The following SLC49A4 variants were observed in gnomAD, a reference collection of about 807,000 sequenced individuals.
The protein encoded by SLC49A4 is solute carrier family 49 member 4.
Under a neutral mutation model 50.6 loss-of-function variants are expected in SLC49A4, and 36 were observed. That is an observed-to-expected ratio of 0.71 (90% CI 0.55 to 0.94). The LOEUF is 0.94. Ranked by LOEUF, SLC49A4 falls within the 40% of genes least tolerant of loss-of-function variation. SLC49A4 has a pLI of 0.00. For missense variants in SLC49A4, 503 were observed against 605.7 expected (o/e 0.83, Z 1.78); for synonymous variants, 248 against 241.2 (o/e 1.03, Z -0.26).
intron 4 of SLC49A4, among the ~76,000 whole-genome samples, chr3:122,842,907 C>T (rs1387296629): frequency 1.3e-5 from 2 of 152,204 alleles, no homozygotes; most frequent in African/African-American, 4.8e-5. Flanking sequence ...GCCCCATTCC[C>T]TTCCTACCAG....
At chr3:122,855,700 T>A (rs893184390) in intron 5 of SLC49A4, among the ~76,000 whole-genome samples, 1 of 152,212 alleles carries the variant, frequency 6.6e-6, no homozygotes, top group Non-Finnish European at 1.5e-5. Context: ...ATTGAGCACT[T>A]CCTATGTCTT....
intron 2 of SLC49A4, among the ~76,000 whole-genome samples, chr3:122,816,918 G>C (rs1447849524): frequency 6.6e-6 from 1 of 152,158 alleles, no homozygotes; most frequent in Non-Finnish European, 1.5e-5. Flanking sequence ...CTATCTGTGA[G>C]GAGCGCTTTT....
At chr3:122,862,589 A>G (rs971040146) in intron 7 of SLC49A4, among the ~76,000 whole-genome samples, 9 of 152,234 alleles carry the variant, frequency 5.9e-5, no homozygotes, top group Admixed American at 5.2e-4. Context: ...CTGGTGGAAC[A>G]GTCTTAGTTT....
At chr3:122,851,376 CTAAA>C (rs1553763988) in intron 5 of SLC49A4, among the ~76,000 whole-genome samples, 1 of 151,960 alleles carries the variant, frequency 6.6e-6, no homozygotes, top group Non-Finnish European at 1.5e-5. Context: ...TTGTTTTGGT[CTAAA>C]AATGTCTTCA....
At chr3:122,827,498 C>G (rs1576298102) in intron 3 of SLC49A4, among the ~76,000 whole-genome samples, 1 of 152,260 alleles carries the variant, frequency 6.6e-6, no homozygotes, top group East Asian at 1.9e-4. Context: ...ACCTTATTTA[C>G]CTTGATCATC....
At chr3:122,805,658 C>T (rs553287039) in intron 1 of SLC49A4, among the ~76,000 whole-genome samples, 2 of 152,340 alleles carry the variant, frequency 1.3e-5, no homozygotes, top group African/African-American at 4.8e-5. Context: ...TGTGATGTGG[C>T]TGCCACAAAC....
chr3:122,826,974 T>A lies in SLC49A4; in HGVS notation c.612T>A (p.Val204=). Residue 204 remains valine (V), a synonymous_variant, in exon 3 of 9, where the codon GTT becomes GTA. Coordinates refer to ENST00000261038, the MANE Select transcript of SLC49A4 (RefSeq NM_032839.3). ...GTGCATTTTTAGTTGGACCACTTGT[T>A]GTTCCAGCTCCCAATGGGACATCAC... ...GACAFLVGPL[V]VPAPNGTSPL... 1 of 1,614,236 alleles carries A rather than the reference T, an allele frequency of 6.2e-7. No individual in the cohort carries two copies. Among genetic ancestry groups the A allele is most frequent in the Non-Finnish European group, 8.5e-7 (1 of 1,180,038 alleles).
chr3:122,806,087 T>C (rs898383903), intron 1 of SLC49A4, among the ~76,000 whole-genome samples: 3 of 152,228 alleles, frequency 2.0e-5, no homozygotes, highest in Admixed American at 6.5e-5. Context: ...AGTTCCCTAG[T>C]TGTCAGTTTT....
intron 2 of SLC49A4, among the ~76,000 whole-genome samples, chr3:122,821,417 A>G (rs981446988): frequency 9.9e-5 from 15 of 152,164 alleles, no homozygotes; most frequent in African/African-American, 3.6e-4. Flanking sequence ...TGGGAGGTGG[A>G]TGGAGAAACA....
intron 4 of SLC49A4, among the ~76,000 whole-genome samples, chr3:122,839,667 G>A (rs1451086167): frequency 1.3e-5 from 2 of 152,078 alleles, no homozygotes; most frequent in African/African-American, 4.8e-5. Context: ...TCAGGGAAAT[G>A]CACATTAAAA....
chr3:122,817,559 T>A (rs375390620), intron 2 of SLC49A4, among the ~76,000 whole-genome samples: 26 of 147,810 alleles, frequency 1.8e-4, no homozygotes, highest in East Asian at 9.7e-4. Flanking sequence ...AGAGAGAGAG[T>A]GTGTGTGTGT....
chr3:122,820,933 A>G (rs1936439974), intron 2 of SLC49A4, among the ~76,000 whole-genome samples: 1 of 152,190 alleles, frequency 6.6e-6, no homozygotes, highest in African/African-American at 2.4e-5. Flanking sequence ...CCCAAATCTC[A>G]TCTTGAACTG....
chr3:122,827,998 G>A (rs1936557512), intron 3 of SLC49A4, among the ~76,000 whole-genome samples: 1 of 152,208 alleles, frequency 6.6e-6, no homozygotes, highest in Non-Finnish European at 1.5e-5. Flanking sequence ...AGTATGTCTA[G>A]GGAACTGCAA....
chr3:122,799,591 G>A (rs1387946051), intron 1 of SLC49A4, among the ~76,000 whole-genome samples: 2 of 152,198 alleles, frequency 1.3e-5, no homozygotes, highest in African/African-American at 2.4e-5. Context: ...ATTATCCAGT[G>A]AGGAGGGCTC....
rs185966253 is a variant in SLC49A4, at chr3:122,880,883, G to C, written c.*1505G>C. The C allele has an allele frequency of 2.0e-5, 3 of 152,172 alleles. No individual in the cohort carries two copies. In the East Asian group the frequency reaches 5.8e-4, roughly 29 times the overall value. 9.4% of individuals were successfully genotyped at this position (152,172 alleles called of 1,614,324 possible). A position where few individuals can be genotyped will look rare whatever the true frequency, so the allele number is the denominator to read the frequency against. On this transcript the variant is annotated 3_prime_UTR_variant, in exon 9 of 9. Transcript: ENST00000261038. ...ACAAGGCTGTGCATTAACTCACCTC[G>C]GTCCTAGAGGAGTATCCTAGTACTG... is the stretch of plus-strand genomic sequence containing the variant.
chr3:122,877,060 A>C (rs1937275686), intron 8 of SLC49A4, among the ~76,000 whole-genome samples: 1 of 152,162 alleles, frequency 6.6e-6, no homozygotes, highest in African/African-American at 2.4e-5. Flanking sequence ...TAATACAAAA[A>C]TTTCAGTGGC....
chr3:122,836,131 T>C (rs1232991705), intron 4 of SLC49A4, among the ~76,000 whole-genome samples: 1 of 152,132 alleles, frequency 6.6e-6, no homozygotes, highest in Non-Finnish European at 1.5e-5. Context: ...TGGCTGTGGG[T>C]TTGTCGTAGA....
chr3:122,860,418 T>C (rs1272580071), intron 7 of SLC49A4, among the ~76,000 whole-genome samples: 1 of 152,240 alleles, frequency 6.6e-6, no homozygotes, highest in Non-Finnish European at 1.5e-5. Flanking sequence ...AAAAGAAGTA[T>C]AATCTTTAGC....
Position 122,795,182 on chromosome 3 carries a change from G to A in SLC49A4, c.-11G>A. The A allele has an allele frequency of 7.6e-7, 1 of 1,314,660 alleles. No individual in the cohort carries two copies. 81.4% of individuals were successfully genotyped at this position (1,314,660 alleles called of 1,614,324 possible). A position where few individuals can be genotyped will look rare whatever the true frequency, so the allele number is the denominator to read the frequency against. On this transcript the variant is annotated 5_prime_UTR_variant, in exon 1 of 9. Coordinates refer to ENST00000261038, the MANE Select transcript of SLC49A4 (RefSeq NM_032839.3). ...TGCGCCCGGCAGTGGCTTCGCGGGC[G>A]ACGCGTCGCCATGGGCTCTCGCTGG... is the stretch of plus-strand genomic sequence containing the variant.
Sources: gnomAD v4.1 joint callset for allele counts (sites outside exome capture counted in the v4.1 genomes callset) on GRCh38, gnomAD v4.1.1 for gene constraint, MANE v1.5 for transcripts, NCBI Gene and HGNC (gene_info 2026-07-23, HGNC 2026-07-21) for gene names.